Variants in CNTNAP5 observed in about 807,000 individuals in gnomAD.
The protein encoded by CNTNAP5 is contactin associated protein family member 5.
Under a neutral mutation model 150.2 loss-of-function variants are expected in CNTNAP5, and 72 were observed. The observed-to-expected ratio is 0.48, with a 90% CI of 0.40 to 0.58. CNTNAP5 has a LOEUF of 0.58. CNTNAP5 is among the 20% of genes least tolerant of loss of function. The probability of loss-of-function intolerance (pLI) is 0.00; values close to 1 mark genes in which losing one functional copy is unlikely to be tolerated. For missense variants in CNTNAP5, 1,636 were observed against 1,626.2 expected (o/e 1.01, Z -0.10); for synonymous variants, 672 against 619.8 (o/e 1.08, Z -1.25).
At chr2:124,848,329 C>T (rs1683091410) in intron 19 of CNTNAP5, among the ~76,000 whole-genome samples, 1 of 152,248 alleles carries the variant, frequency 6.6e-6, no homozygotes, top group Non-Finnish European at 1.5e-5. Flanking sequence ...CCAATATCAT[C>T]CATGTTATTG....
chr2:124,860,279 G>A (rs1677485425), intron 19 of CNTNAP5, among the ~76,000 whole-genome samples: 2 of 152,116 alleles, frequency 1.3e-5, no homozygotes, highest in South Asian at 4.1e-4. Context: ...GAACCCGGGA[G>A]GCGGAGCTTG....
intron 6 of CNTNAP5, among the ~76,000 whole-genome samples, chr2:124,452,483 T>C (rs974862123): frequency 6.6e-6 from 1 of 152,154 alleles, no homozygotes; most frequent in African/African-American, 2.4e-5. Flanking sequence ...AAAAAGGGCA[T>C]ATACTCTTGG....
intron 3 of CNTNAP5, among the ~76,000 whole-genome samples, chr2:124,284,873 G>T (rs1373891232): frequency 6.6e-6 from 1 of 152,264 alleles, no homozygotes; most frequent in Non-Finnish European, 1.5e-5. Flanking sequence ...AGTGGGGAAT[G>T]AGAGAAATGA....
chr2:124,216,051 G>C (rs986218745), intron 1 of CNTNAP5, among the ~76,000 whole-genome samples: 3 of 152,114 alleles, frequency 2.0e-5, no homozygotes, highest in Non-Finnish European at 4.4e-5. Context: ...GAAAGGCTTG[G>C]AACCTGTAAT....
chr2:124,847,064 A>G (rs538647319), intron 19 of CNTNAP5, among the ~76,000 whole-genome samples: 1 of 152,244 alleles, frequency 6.6e-6, no homozygotes, highest in Non-Finnish European at 1.5e-5. Context: ...CAGCCAGGAG[A>G]GGGCACTTTT....
intron 3 of CNTNAP5, among the ~76,000 whole-genome samples, chr2:124,271,597 A>G (rs1437781282): frequency 6.6e-6 from 1 of 152,188 alleles, no homozygotes; most frequent in Non-Finnish European, 1.5e-5. Context: ...TTAGGTTTTC[A>G]TCAGAAAAAC....
chr2:124,499,963 G>A (rs184851118), intron 7 of CNTNAP5, among the ~76,000 whole-genome samples: 2 of 152,210 alleles, frequency 1.3e-5, no homozygotes, highest in East Asian at 3.9e-4. Flanking sequence ...GTGCTGGTCT[G>A]TATTTGAAGG....
chr2:124,380,144 G>T (rs2104736668), intron 3 of CNTNAP5, among the ~76,000 whole-genome samples: 1 of 152,140 alleles, frequency 6.6e-6, no homozygotes, highest in South Asian at 2.1e-4. Flanking sequence ...CATTATTTCA[G>T]ATATCAATAG....
intron 13 of CNTNAP5, among the ~76,000 whole-genome samples, chr2:124,691,322 G>A (rs1679296583): frequency 6.6e-6 from 1 of 152,110 alleles, no homozygotes; most frequent in African/African-American, 2.4e-5. Flanking sequence ...AAGTTGGTGG[G>A]TAAAGTTAGA....
chr2:124,332,183 A>G (rs1478363180), intron 3 of CNTNAP5, among the ~76,000 whole-genome samples: 2 of 151,568 alleles, frequency 1.3e-5, no homozygotes, highest in Admixed American at 6.6e-5. Flanking sequence ...CTAAATCCAT[A>G]TTTTTAAAGA....
At chr2:124,659,489 G>A (rs1268954513) in intron 13 of CNTNAP5, among the ~76,000 whole-genome samples, 7 of 152,166 alleles carry the variant, frequency 4.6e-5, no homozygotes, top group African/African-American at 1.7e-4. Context: ...TTTTGGAGTA[G>A]CCATCATCAG....
intron 11 of CNTNAP5, among the ~76,000 whole-genome samples, chr2:124,584,445 C>T (rs906085205): frequency 6.6e-6 from 1 of 152,126 alleles, no homozygotes; most frequent in African/African-American, 2.4e-5. Context: ...ATTGCATTAA[C>T]ATAAAATGTC....
intron 19 of CNTNAP5, among the ~76,000 whole-genome samples, chr2:124,833,010 C>T (rs1682750432): frequency 6.6e-6 from 1 of 151,234 alleles, no homozygotes; most frequent in African/African-American, 2.4e-5. Flanking sequence ...CTCAGGATCA[C>T]ACCATCCTCC....
chr2:124,709,743 A>G (rs1679767352), intron 13 of CNTNAP5, among the ~76,000 whole-genome samples: 1 of 152,168 alleles, frequency 6.6e-6, no homozygotes, highest in South Asian at 2.1e-4. Context: ...AAATCCTCTA[A>G]AGGGATAATT....
At chr2:124,521,763 G>A (rs1573433439) in intron 8 of CNTNAP5, among the ~76,000 whole-genome samples, 2 of 152,144 alleles carry the variant, frequency 1.3e-5, no homozygotes, top group African/African-American at 4.8e-5. Context: ...GTATTCAAAT[G>A]AGTATGCAAG....
At chr2:124,845,465 C>A (rs970986332) in intron 19 of CNTNAP5, among the ~76,000 whole-genome samples, 1 of 141,348 alleles carries the variant, frequency 7.1e-6, no homozygotes, top group Non-Finnish European at 1.6e-5. Context: ...CTATTTCCTT[C>A]CCTGGTTTTT....
At chr2:124,405,577 C>T (rs747630601) in intron 3 of CNTNAP5, among the ~76,000 whole-genome samples, 6 of 152,138 alleles carry the variant, frequency 3.9e-5, no homozygotes, top group Non-Finnish European at 7.4e-5. Flanking sequence ...CTTAACCTCT[C>T]CAAAATTAAG....
intron 3 of CNTNAP5, among the ~76,000 whole-genome samples, chr2:124,338,949 AT>A (rs1281091632): frequency 2.0e-5 from 3 of 152,162 alleles, no homozygotes; most frequent in Non-Finnish European, 4.4e-5. Flanking sequence ...AGAAGAGCAG[AT>A]GGTCTTATGG....
At chr2:124,097,781 C>T (rs1187631721) in intron 1 of CNTNAP5, among the ~76,000 whole-genome samples, 2 of 152,228 alleles carry the variant, frequency 1.3e-5, no homozygotes, top group Non-Finnish European at 2.9e-5. Flanking sequence ...GTAATCCCAG[C>T]ACTTTGGGCG....
Sources: allele counts gnomAD v4.1 joint callset (sites outside exome capture counted in the v4.1 genomes callset), GRCh38; gene constraint gnomAD v4.1.1; transcripts MANE v1.5; gene names NCBI Gene and HGNC (gene_info 2026-07-23, HGNC 2026-07-21).